Variants in NR2F1-AS1 observed in about 807,000 individuals in gnomAD.
NR2F1-AS1 encodes the protein NR2F1 antisense RNA 1.
At chr5:93,546,345 T>C (rs1217699242) in intron 4 of NR2F1-AS1, among the ~76,000 whole-genome samples, 1 of 152,148 alleles carries the variant, frequency 6.6e-6, no homozygotes, top group Non-Finnish European at 1.5e-5. Flanking sequence ...CCAAAACTCT[T>C]CTCAAAAATT....
At chr5:93,582,547 A>T (rs921010939), upstream of NR2F1-AS1, among the ~76,000 whole-genome samples, 2 of 152,224 alleles carry the variant, frequency 1.3e-5, no homozygotes, top group African/African-American at 4.8e-5. Flanking sequence ...AGAGAAGAAA[A>T]CAATCCAAAT....
intron 4 of NR2F1-AS1, among the ~76,000 whole-genome samples, chr5:93,418,539 T>C (rs950411838): frequency 2.6e-5 from 4 of 151,840 alleles, no homozygotes; most frequent in African/African-American, 7.3e-5. Flanking sequence ...TAAGCCAAGA[T>C]TGCACCGCTG....
intron 4 of NR2F1-AS1, among the ~76,000 whole-genome samples, chr5:93,456,495 T>C (rs1749949127): frequency 1.3e-5 from 2 of 152,214 alleles, no homozygotes; most frequent in African/African-American, 2.4e-5. Flanking sequence ...GAAGATCCCA[T>C]ACTATTTAAA....
intron 4 of NR2F1-AS1, among the ~76,000 whole-genome samples, chr5:93,538,483 TAATTA>T (rs1366794001): frequency 1.3e-5 from 2 of 152,066 alleles, no homozygotes; most frequent in Non-Finnish European, 1.5e-5. Context: ...CAAAAATTAA[TAATTA>T]AATAAATAAA....
At chr5:93,481,909 A>G (rs953813005) in intron 4 of NR2F1-AS1, among the ~76,000 whole-genome samples, 9 of 152,166 alleles carry the variant, frequency 5.9e-5, no homozygotes, top group African/African-American at 1.9e-4. Flanking sequence ...CAGCAAAAGC[A>G]GTATCCAGGG....
intron 1 of NR2F1-AS1, among the ~76,000 whole-genome samples, chr5:93,566,831 T>C (rs1159797931): frequency 6.6e-6 from 1 of 152,012 alleles, no homozygotes; most frequent in Non-Finnish European, 1.5e-5. Context: ...AAATGAAAAT[T>C]AAACATCTGA....
chr5:93,428,499 T>C (rs1749241273), intron 4 of NR2F1-AS1, among the ~76,000 whole-genome samples: 1 of 152,232 alleles, frequency 6.6e-6, no homozygotes, highest in Non-Finnish European at 1.5e-5. Flanking sequence ...ATCTTATTCA[T>C]AGTAACAGGT....
intron 4 of NR2F1-AS1, among the ~76,000 whole-genome samples, chr5:93,419,206 AT>A (rs1438178744): frequency 6.6e-6 from 1 of 152,200 alleles, no homozygotes; most frequent in African/African-American, 2.4e-5. Context: ...GTTTACTGGC[AT>A]GAAGCTATGT....
chr5:93,442,071 T>A (rs976265031), intron 4 of NR2F1-AS1, among the ~76,000 whole-genome samples: 2 of 152,170 alleles, frequency 1.3e-5, no homozygotes, highest in African/African-American at 4.8e-5. Flanking sequence ...GCTTGCTAGC[T>A]GGGGGTTCCA....
upstream of NR2F1-AS1, among the ~76,000 whole-genome samples, chr5:93,581,662 GTCTCGGTCTCTC>G (rs1753037883): frequency 1.1e-5 from 1 of 91,804 alleles, no homozygotes; most frequent in Non-Finnish European, 2.2e-5. Flanking sequence ...AGGAATCGGG[GTCTCGGTCTCTC>G]TCTCTCTCTC....
intron 4 of NR2F1-AS1, among the ~76,000 whole-genome samples, chr5:93,419,963 G>A (rs374834420): frequency 6.6e-6 from 1 of 152,190 alleles, no homozygotes; most frequent in African/African-American, 2.4e-5. Context: ...CTGGGAGGCA[G>A]AGGTGGGTGG....
chr5:93,486,778 G>A (rs749956592), intron 4 of NR2F1-AS1, among the ~76,000 whole-genome samples: 6 of 152,016 alleles, frequency 3.9e-5, no homozygotes, highest in Non-Finnish European at 5.9e-5. Context: ...CCAAAACCTG[G>A]CAGAGACACA....
chr5:93,480,891 G>C (rs1222840053), intron 4 of NR2F1-AS1, among the ~76,000 whole-genome samples: 1 of 151,388 alleles, frequency 6.6e-6, no homozygotes, highest in Non-Finnish European at 1.5e-5. Flanking sequence ...GAAATGAAGA[G>C]GATGTCAAAA....
chr5:93,506,516 A>C (rs1751188784), intron 4 of NR2F1-AS1, among the ~76,000 whole-genome samples: 2 of 152,214 alleles, frequency 1.3e-5, no homozygotes, highest in South Asian at 2.1e-4. Flanking sequence ...AAAGAGGTTT[A>C]ATTGAACTTA....
intron 4 of NR2F1-AS1, among the ~76,000 whole-genome samples, chr5:93,460,413 T>C (rs1363245396): frequency 1.3e-5 from 2 of 152,176 alleles, no homozygotes; most frequent in African/African-American, 2.4e-5. Context: ...AAGAATATAA[T>C]GCAATTAATA....
intron 1 of NR2F1-AS1, among the ~76,000 whole-genome samples, chr5:93,565,904 C>T (rs968661608): frequency 1.3e-4 from 19 of 151,212 alleles, no homozygotes; most frequent in Admixed American, 1.3e-3. Flanking sequence ...GCACAAAACA[C>T]AAAATAAATT....
chr5:93,449,216 C>T (rs187546721), intron 4 of NR2F1-AS1, among the ~76,000 whole-genome samples: 77 of 152,032 alleles, frequency 5.1e-4, no homozygotes, highest in African/African-American at 1.8e-3. Context: ...TAAAATTTAC[C>T]CAGGGCTCTT....
At chr5:93,438,405 C>T (rs533327012) in intron 4 of NR2F1-AS1, among the ~76,000 whole-genome samples, 1 of 152,300 alleles carries the variant, frequency 6.6e-6, no homozygotes, top group East Asian at 1.9e-4. Flanking sequence ...GACCATCAAT[C>T]TTGACTCCTG....
At chr5:93,478,887 T>C (rs780378792) in intron 4 of NR2F1-AS1, among the ~76,000 whole-genome samples, 2 of 152,240 alleles carry the variant, frequency 1.3e-5, no homozygotes, top group Non-Finnish European at 1.5e-5. Context: ...AGTGACTATA[T>C]AACTCATTCA....
Sources: allele counts gnomAD v4.1 joint callset (sites outside exome capture counted in the v4.1 genomes callset), GRCh38; gene constraint gnomAD v4.1.1; transcripts MANE v1.5; gene names NCBI Gene and HGNC (gene_info 2026-07-23, HGNC 2026-07-21).